MME: variants seen among roughly 807,000 people sequenced by gnomAD.
MME encodes membrane metalloendopeptidase, also known as neprilysin.
In MME, 98 loss-of-function variants were observed where a neutral mutation model predicts 113.2. The observed-to-expected ratio is 0.87, with a 90% CI of 0.74 to 1.02. The LOEUF (loss-of-function observed/expected upper bound fraction) is 1.02. MME is among the 50% of genes least tolerant of loss of function. The pLI, the probability that MME is intolerant of heterozygous loss-of-function variation, is 0.00. For synonymous variants in MME, 292 were observed against 300.6 expected, an observed-to-expected ratio of 0.97 and a Z score of 0.30; for missense variants, 836 against 896.0, an observed-to-expected ratio of 0.93 and a Z score of 0.86.
chr3:155,027,841 C>G (rs111846394), intron 1 of MME, among the ~76,000 whole-genome samples: 1,711 of 152,200 alleles, frequency 0.011, 17 homozygotes, highest in African/African-American at 0.029. Context: ...CTAGCCCAAT[C>G]CTAAGCACAT....
chr3:155,040,788 A>G (rs1365658213), intron 1 of MME, among the ~76,000 whole-genome samples: 1 of 152,128 alleles, frequency 6.6e-6, no homozygotes, highest in Non-Finnish European at 1.5e-5. Flanking sequence ...AAAGTCTTAT[A>G]TTGTATTATC....
intron 1 of MME, among the ~76,000 whole-genome samples, chr3:155,043,579 G>A (rs1343490463): frequency 6.6e-5 from 10 of 152,008 alleles, no homozygotes; most frequent in East Asian, 1.9e-4. Flanking sequence ...TGATCCACCC[G>A]CCTTGGCCTC....
chr3:155,130,903 G>T (rs887719874), intron 8 of MME, among the ~76,000 whole-genome samples: 1 of 152,130 alleles, frequency 6.6e-6, no homozygotes, highest in Non-Finnish European at 1.5e-5. Context: ...CTATGTGACA[G>T]ATACTTTTCT....
rs866996357 is a variant in MME at position 155,125,340 on chromosome 3, C to T, written c.720+6529C>T. Among the ~76,000 whole-genome samples the T allele has an allele frequency of 4.4e-3, 332 of 75,904 alleles. 10 individuals are homozygous for T. Among genetic ancestry groups the T allele is most frequent in the African/African-American group, 0.011 (322 of 29,690 alleles). 49.8% of individuals were successfully genotyped at this position (75,904 alleles called of 152,430 possible). On this transcript the variant is annotated intron_variant, in intron 8 of 22. Coordinates refer to ENST00000360490, the MANE Select transcript of MME (RefSeq NM_007289.4). ...TCTGGGACTCCCTAGTGAGATGAAC[C>T]CGGTACCTCAGATGGAAATGCGGAA...
At chr3:155,136,264 A>G (rs1196306409) in intron 8 of MME, among the ~76,000 whole-genome samples, 1 of 152,058 alleles carries the variant, frequency 6.6e-6, no homozygotes, top group Non-Finnish European at 1.5e-5. Context: ...ATCCAGTATG[A>G]TGTTGGCTGT....
intron 13 of MME, 84 bp downstream of exon 13, chr3:155,143,655 C>G: frequency 6.6e-7 from 1 of 1,505,036 alleles, no homozygotes; most frequent in Non-Finnish European, 9.2e-7. Flanking sequence ...AGTTCTCCAT[C>G]ATTTGGCTAA....
chr3:155,156,720 T>C (rs1036394458), intron 16 of MME, among the ~76,000 whole-genome samples: 1 of 152,138 alleles, frequency 6.6e-6, no homozygotes, highest in Non-Finnish European at 1.5e-5. Context: ...AAGAATTCTT[T>C]CCACCCAGGC....
intron 1 of MME, among the ~76,000 whole-genome samples, chr3:155,036,378 G>GT (rs1011921910): frequency 2.6e-5 from 4 of 151,968 alleles, no homozygotes; most frequent in East Asian, 1.9e-4. Context: ...AAGATATAGA[G>GT]TTTTTTTTAT....
chr3:155,125,844 G>A (rs954908132), intron 8 of MME, among the ~76,000 whole-genome samples: 1 of 152,004 alleles, frequency 6.6e-6, no homozygotes, highest in Non-Finnish European at 1.5e-5. Context: ...GAAAGGTGTT[G>A]GTTCTACAAA....
intron 8 of MME, among the ~76,000 whole-genome samples, chr3:155,124,176 C>G (rs1719395522): frequency 6.6e-6 from 1 of 151,148 alleles, no homozygotes; most frequent in South Asian, 2.1e-4. Flanking sequence ...ATTTCATCTT[C>G]CATTGCTGAT....
chr3:155,180,632 G>T lies in MME; in HGVS notation c.*173G>T. 1.5e-6 allele frequency: 1 copy of T among 652,116 alleles called. No individual in the cohort carries two copies. Among genetic ancestry groups the T allele is most frequent in the South Asian group, 1.7e-5 (1 of 59,730 alleles). 40.4% of individuals were successfully genotyped at this position (652,116 alleles called of 1,614,324 possible). A position where few individuals can be genotyped will look rare whatever the true frequency, so the allele number is the denominator to read the frequency against. On this transcript the variant is annotated 3_prime_UTR_variant, in exon 23 of 23. Coordinates refer to ENST00000360490, the MANE Select transcript of MME (RefSeq NM_007289.4). ...CATTAGGTTGTCCTAGAAAGGGTGT[G>T]GAGGGAGGAAGGGGGTCTAAGGTCT...
chr3:155,049,145 G>A (rs183646708), intron 1 of MME, among the ~76,000 whole-genome samples: 64 of 152,070 alleles, frequency 4.2e-4, no homozygotes, highest in Admixed American at 3.7e-3. Flanking sequence ...TGTATGTATA[G>A]TGAATTGAAT....
At chr3:155,062,908 T>A (rs1158195378) in intron 1 of MME, among the ~76,000 whole-genome samples, 1 of 150,594 alleles carries the variant, frequency 6.6e-6, no homozygotes, top group Non-Finnish European at 1.5e-5. Flanking sequence ...TGGTGGCACA[T>A]GCCTGTAATC....
At chr3:155,132,634 A>T (rs559853145) in intron 8 of MME, among the ~76,000 whole-genome samples, 1 of 152,204 alleles carries the variant, frequency 6.6e-6, no homozygotes, top group East Asian at 1.9e-4. Flanking sequence ...CTACCTTATG[A>T]CTGTCAAAAA....
chr3:155,094,971 C>T (rs1034635919), intron 3 of MME, among the ~76,000 whole-genome samples: 3 of 152,336 alleles, frequency 2.0e-5, no homozygotes, highest in South Asian at 2.1e-4. Context: ...TCTCGGGCTC[C>T]GCCTCAGACC....
At chr3:155,151,084 AT>A (rs1721892910) in intron 16 of MME, among the ~76,000 whole-genome samples, 1 of 152,136 alleles carries the variant, frequency 6.6e-6, no homozygotes, top group South Asian at 2.1e-4. Flanking sequence ...AAAAAAAAAA[AT>A]GTAATAAAGT....
chr3:155,034,392 C>T (rs1165387220), intron 1 of MME, among the ~76,000 whole-genome samples: 2 of 152,058 alleles, frequency 1.3e-5, no homozygotes, highest in African/African-American at 4.8e-5. Context: ...TCCTTTATAC[C>T]TAAAAACCTC....
At chr3:155,150,159 T>C (rs1465928666) in intron 16 of MME, among the ~76,000 whole-genome samples, 1 of 152,210 alleles carries the variant, frequency 6.6e-6, no homozygotes, top group Non-Finnish European at 1.5e-5. Context: ...CTGTCAAATA[T>C]TATTTCTGAA....
At chr3:155,049,122 T>C (rs1229743293) in intron 1 of MME, among the ~76,000 whole-genome samples, 1 of 152,162 alleles carries the variant, frequency 6.6e-6, no homozygotes, top group Admixed American at 6.6e-5. Flanking sequence ...TTCTTCTGTG[T>C]TCAGATCTCT....
Sources: allele counts gnomAD v4.1 joint callset (sites outside exome capture counted in the v4.1 genomes callset), GRCh38; gene constraint gnomAD v4.1.1; transcripts MANE v1.5; gene names NCBI Gene and HGNC (gene_info 2026-07-23, HGNC 2026-07-21).